SNX2: variants seen among roughly 807,000 people sequenced by gnomAD.
SNX2 encodes sorting nexin 2, also known as sorting nexin-2.
Under a neutral mutation model 69.9 loss-of-function variants are expected in SNX2, and 25 were observed. The observed-to-expected ratio is 0.36, with a 90% CI of 0.26 to 0.50. The LOEUF (loss-of-function observed/expected upper bound fraction) is 0.50. Ranked by LOEUF, SNX2 falls within the 20% of genes least tolerant of loss-of-function variation. The pLI, the probability that SNX2 is intolerant of heterozygous loss-of-function variation, is 0.97. For missense variants in SNX2, 551 were observed against 613.3 expected, an observed-to-expected ratio of 0.90 and a Z score of 1.07; for synonymous variants, 229 against 200.4, an observed-to-expected ratio of 1.14 and a Z score of -1.20.
intron 11 of SNX2, among the ~76,000 whole-genome samples, chr5:122,821,889 G>T (rs926105582): frequency 2.0e-5 from 3 of 152,010 alleles, no homozygotes; most frequent in Non-Finnish European, 4.4e-5. Flanking sequence ...AAGTAGAATT[G>T]CTGACCAGAG....
intron 12 of SNX2, among the ~76,000 whole-genome samples, 190 bp downstream of exon 12, chr5:122,826,383 G>T (rs946639038): frequency 2.6e-5 from 4 of 151,824 alleles, no homozygotes; most frequent in African/African-American, 9.7e-5. Context: ...CATTACTTAT[G>T]GAATGGATAA....
At position 122,775,194 on chromosome 5, in the gene SNX2, A is replaced by T; in HGVS notation, c.91A>T (p.Thr31Ser). Residue 31 changes from threonine to serine, a missense_variant, in exon 1 of 15, where the codon ACT (threonine) becomes TCT (serine). By Grantham distance (58) the Thr-to-Ser change is moderately conservative. Coordinates refer to ENST00000379516, the MANE Select transcript of SNX2 (RefSeq NM_003100.4). ...GGACGGAGAGGACCTGTTCACCAGC[A>T]CTGTCTCCACCCTAGAGGTGAGACC... ...LEDGEDLFTS[T>S]VSTLESSPSS... 1 of 1,584,280 alleles carries T rather than the reference A, an allele frequency of 6.3e-7. No homozygotes were observed. Among genetic ancestry groups the T allele is most frequent in the Non-Finnish European group, 8.6e-7 (1 of 1,166,756 alleles).
chr5:122,784,064 C>G (rs1034756919), intron 1 of SNX2, among the ~76,000 whole-genome samples: 1 of 151,736 alleles, frequency 6.6e-6, no homozygotes, highest in African/African-American at 2.4e-5. Flanking sequence ...TATATTTCCC[C>G]TTTGGTTGCA....
intron 1 of SNX2, among the ~76,000 whole-genome samples, chr5:122,782,260 CAG>C (rs1321815088): frequency 3.3e-5 from 5 of 151,946 alleles, no homozygotes; most frequent in Admixed American, 1.3e-4. Flanking sequence ...TTATTTGAGA[CAG>C]AGTCTTGCTC....
intron 11 of SNX2, among the ~76,000 whole-genome samples, chr5:122,822,093 C>G (rs1426324988): frequency 6.6e-6 from 1 of 152,022 alleles, no homozygotes; most frequent in Non-Finnish European, 1.5e-5. Context: ...ATTTGCATTT[C>G]TTTTTCTTTC....
intron 6 of SNX2, among the ~76,000 whole-genome samples, chr5:122,806,142 G>GCACGCACACACACACACACACACACACA (rs1554063175): frequency 5.1e-4 from 67 of 130,648 alleles, no homozygotes; most frequent in African/African-American, 1.4e-3. Context: ...ACACGCGCGC[G>GCACGCACACACACACACACACACACACA]CACACACACA....
intron 6 of SNX2, among the ~76,000 whole-genome samples, chr5:122,807,564 T>A (rs1753686154): frequency 6.6e-6 from 1 of 152,236 alleles, no homozygotes; most frequent in Admixed American, 6.5e-5. Context: ...TATTTCATGT[T>A]GTAGCATATA....
rs747641555 is a variant in SNX2 at position 122,795,279 on chromosome 5, C to A, written c.122C>A (p.Ser41Tyr). Residue 41 changes from serine (S) to tyrosine (Y), a missense_variant, in exon 2 of 15, where the codon TCT becomes TAT. Around this residue, in one of 2 missense-constraint regions of SNX2, gnomAD observed 191 missense variants for 162.9 expected, o/e 1.17. Coordinates refer to ENST00000379516, the MANE Select transcript of SNX2 (RefSeq NM_003100.4). Reference sequence around the variant, plus strand: ...CTTTTTTAACAGTCAAGTCCATCATCTCCAGAACCAGCTAGTCTTCCTGCA... The same window carrying A: ...CTTTTTTAACAGTCAAGTCCATCATATCCAGAACCAGCTAGTCTTCCTGCA... Reference protein sequence around the residue: ...TVSTLESSPSSPEPASLPAED... With the variant: ...TVSTLESSPSYPEPASLPAED... 1.2e-6 allele frequency: 2 copies of A among 1,612,768 alleles called. No individual in the cohort carries two copies. The highest frequency in any genetic ancestry group is 2.2e-5 in the South Asian group (2 of 90,928).
At chr5:122,802,146 A>G (rs1753530867) in intron 5 of SNX2, 22 bp downstream of exon 5, 16 of 1,605,090 alleles carry the variant, frequency 1.0e-5, no homozygotes, top group Non-Finnish European at 1.3e-5. Flanking sequence ...GTGCTTTTAA[A>G]AAAACTATCG....
chr5:122,801,663 G>GTGT (rs1753516342), intron 3 of SNX2, among the ~76,000 whole-genome samples: 1 of 150,080 alleles, frequency 6.7e-6, no homozygotes, highest in South Asian at 2.1e-4. Context: ...GTGTGTGTGT[G>GTGT]TGTGTGTGTG....
chr5:122,799,612 T>C (rs1451750770), intron 2 of SNX2, 80 bp from the exon 3 acceptor site: 1 of 820,744 alleles, frequency 1.2e-6, no homozygotes, highest in Non-Finnish European at 1.8e-6. Context: ...AAATATTTTT[T>C]ATAATCCATT....
chr5:122,796,418 A>G (rs1044608685), intron 2 of SNX2, among the ~76,000 whole-genome samples: 101 of 152,274 alleles, frequency 6.6e-4, no homozygotes, highest in African/African-American at 2.3e-3. Flanking sequence ...ATGAATTCAC[A>G]TATTTTATTA....
At chr5:122,789,414 G>T (rs182506605) in intron 1 of SNX2, among the ~76,000 whole-genome samples, 1 of 148,322 alleles carries the variant, frequency 6.7e-6, no homozygotes, top group East Asian at 2.0e-4. Context: ...TTACAAGACC[G>T]CCCCACCTTC....
chr5:122,784,604 A>G (rs1753041728), intron 1 of SNX2, among the ~76,000 whole-genome samples: 1 of 151,910 alleles, frequency 6.6e-6, no homozygotes, highest in Admixed American at 6.6e-5. Flanking sequence ...ACCCCACACA[A>G]TCATAATGTA....
At position 122,834,459 on chromosome 5, in the gene SNX2, A is replaced by C. The variant is rs1754365047; in HGVS notation, c.*4811A>C. 6.6e-6 allele frequency: 1 copy of C among 152,216 alleles called. No homozygotes were observed. Among genetic ancestry groups the C allele is most frequent in the Non-Finnish European group, 1.5e-5 (1 of 68,022 alleles). The allele number at this position is 152,216 out of a possible 1,614,324, so 9.4% of individuals were successfully genotyped here. ...GTCAGTTAATGGGATAAACCGTTTT[A>C]AGAGAGTTGAGAAAAAATAAAGTTC... On this transcript the variant is annotated 3_prime_UTR_variant, in exon 15 of 15. Coordinates refer to ENST00000379516, the MANE Select transcript of SNX2 (RefSeq NM_003100.4).
intron 12 of SNX2, 123 bp downstream of exon 12, chr5:122,826,316 CTG>C: frequency 1.2e-6 from 1 of 806,838 alleles, no homozygotes; most frequent in Non-Finnish European, 1.9e-6. Flanking sequence ...TTTTTATGAA[CTG>C]TGTTAGAATT....
chr5:122,809,280 G>A (rs1753717549), intron 7 of SNX2, among the ~76,000 whole-genome samples: 1 of 152,086 alleles, frequency 6.6e-6, no homozygotes, highest in Admixed American at 6.5e-5. Context: ...GCAGATTTTG[G>A]TATCCATAGG....
chr5:122,810,084 G>T (rs1203811086), intron 7 of SNX2, among the ~76,000 whole-genome samples: 1 of 150,878 alleles, frequency 6.6e-6, no homozygotes, highest in African/African-American at 2.4e-5. Flanking sequence ...TTGGGATCCT[G>T]TCGATCTGTG....
intron 7 of SNX2, among the ~76,000 whole-genome samples, chr5:122,814,567 T>C (rs570428632): frequency 5.3e-4 from 81 of 152,304 alleles, no homozygotes; most frequent in Admixed American, 9.2e-4. Context: ...AATTTGACTT[T>C]AGAGAAGATT....
Sources: gnomAD v4.1 joint callset for allele counts (sites outside exome capture counted in the v4.1 genomes callset) on GRCh38, gnomAD v4.1.1 for gene constraint, gnomAD v4.1.1 regional missense constraint, MANE v1.5 for transcripts, NCBI Gene and HGNC (gene_info 2026-07-23, HGNC 2026-07-21) for gene names.